The following PRKN variants were observed in gnomAD, a reference collection of about 807,000 sequenced individuals.
PRKN encodes the protein parkin RBR E3 ubiquitin protein ligase, also known as E3 ubiquitin-protein ligase parkin.
A neutral mutation model predicts 59.5 loss-of-function variants in PRKN; 56 were observed. The ratio of observed to expected loss-of-function variants is 0.94; its 90% CI spans 0.76 to 1.18. The LOEUF (loss-of-function observed/expected upper bound fraction) is 1.18. Ranked by LOEUF, PRKN falls within the 50% of genes most tolerant of loss-of-function variation. PRKN has a pLI of 0.00. For missense variants in PRKN, 657 were observed against 596.4 expected, an observed-to-expected ratio of 1.10 and a Z score of -1.06; for synonymous variants, 250 against 222.1, an observed-to-expected ratio of 1.13 and a Z score of -1.12.
intron 7 of PRKN, among the ~76,000 whole-genome samples, chr6:161,704,004 C>T (rs1464505143): frequency 6.6e-6 from 1 of 151,872 alleles, no homozygotes; most frequent in Non-Finnish European, 1.5e-5. Context: ...TACAGGCATG[C>T]ACCACCACAC....
In PRKN at chr6:161,560,525, G is replaced by A. The variant is rs1034609538; in HGVS notation, c.933+8830C>T. Among the ~76,000 whole-genome samples, 2 of 152,066 alleles carry A rather than the reference G, an allele frequency of 1.3e-5. No homozygotes were observed. The highest frequency in any genetic ancestry group is 2.9e-5 in the Non-Finnish European group (2 of 68,010). The stretch of plus-strand genomic sequence containing the variant: ...TTCAGGCTGTTCTCACCTTTTCTCC[G>A]ATTCTTGTCATCATTCTGGGGACTT... On this transcript the variant is annotated intron_variant, in intron 8 of 11. Transcript: ENST00000366898. This position sits in a 1 kb window ranked among gnomAD's most constrained non-coding sequence, Gnocchi z 4.9.
At chr6:161,817,321 G>A (rs1258529713) in intron 6 of PRKN, among the ~76,000 whole-genome samples, 1 of 152,216 alleles carries the variant, frequency 6.6e-6, no homozygotes, top group Non-Finnish European at 1.5e-5. Context: ...GCAGAGCTAA[G>A]AAGTAGCCCC....
At chr6:162,720,182 T>C (rs148006151) in intron 1 of PRKN, among the ~76,000 whole-genome samples, 158 of 152,228 alleles carry the variant, frequency 1.0e-3, no homozygotes, top group African/African-American at 3.7e-3. Flanking sequence ...AAATAAATAA[T>C]AAAAAGTCTC....
chr6:162,621,040 T>TA (rs952364647), intron 1 of PRKN, among the ~76,000 whole-genome samples: 27 of 152,228 alleles, frequency 1.8e-4, no homozygotes, highest in African/African-American at 6.0e-4. Flanking sequence ...CAATCTATTT[T>TA]AGTCTCATTG....
At position 162,556,401 on chromosome 6, in the gene PRKN, G is replaced by GTGTGTGTGTGTGTC. The variant is rs776385523; in HGVS notation, c.8-112929_8-112928insGACACACACACACA. On this transcript the variant is annotated intron_variant, in intron 1 of 11. Transcript: ENST00000366898. Reference sequence around the variant, plus strand: ...TGTGTGTGTGTGTGTGTGTGTGTGTGTGTCAGTTTGGCAGACGCCTTCTTT... The same window carrying GTGTGTGTGTGTGTC: ...TGTGTGTGTGTGTGTGTGTGTGTGTGTGTGTGTGTGTGTCTGTCAGTTTGGCAGACGCCTTCTTT... Among the ~76,000 whole-genome samples, 637 of 131,168 alleles carry GTGTGTGTGTGTGTC rather than the reference G, an allele frequency of 4.9e-3. 12 individuals carry two copies. Among genetic ancestry groups the GTGTGTGTGTGTGTC allele is most frequent in the South Asian group, 8.3e-3 (31 of 3,732 alleles). 86.1% of individuals were successfully genotyped at this position (131,168 alleles called of 152,430 possible). A position where few individuals can be genotyped will look rare whatever the true frequency, so the allele number is the denominator to read the frequency against.
chr6:162,451,335 A>G (rs1317736853), intron 1 of PRKN, among the ~76,000 whole-genome samples: 1 of 151,300 alleles, frequency 6.6e-6, no homozygotes, highest in Non-Finnish European at 1.5e-5. Flanking sequence ...AAAATTTTAA[A>G]GGAGCTAGTA....
At chr6:161,811,503 T>C (rs1335807391) in intron 6 of PRKN, among the ~76,000 whole-genome samples, 3 of 152,174 alleles carry the variant, frequency 2.0e-5, no homozygotes, top group African/African-American at 7.2e-5. Flanking sequence ...ATACGGGGCT[T>C]GGACAAGAGG....
chr6:161,902,552 A>ATCTATTT (rs1343265664), intron 6 of PRKN, among the ~76,000 whole-genome samples: 29 of 121,076 alleles, frequency 2.4e-4, no homozygotes, highest in East Asian at 5.1e-4. Context: ...CTATCTATTT[A>ATCTATTT]TTTATTTATT....
chr6:162,384,247 T>C (rs1009040096), intron 2 of PRKN, among the ~76,000 whole-genome samples: 1 of 152,206 alleles, frequency 6.6e-6, no homozygotes, highest in African/African-American at 2.4e-5. Context: ...AGCTAAATTA[T>C]TCCTAGCTTT....
rs531537465 is a variant in PRKN, at chr6:161,881,329, G to A, written c.734+91973C>T. Among the ~76,000 whole-genome samples the A allele has an allele frequency of 9.9e-5, 15 of 152,278 alleles. No homozygotes were observed. The South Asian group carries it at 2.9e-3, about 29-fold the overall frequency. ...CCGCCCTGCCACCCTTTTTCTTTGC[G>A]GGAGAGGTGGTACACAGAGTGGGAA... On this transcript the variant is annotated intron_variant, in intron 6 of 11. Transcript: ENST00000366898.
intron 1 of PRKN, among the ~76,000 whole-genome samples, chr6:162,631,876 C>T (rs1445465639): frequency 6.6e-6 from 1 of 151,452 alleles, no homozygotes; most frequent in Non-Finnish European, 1.5e-5. Context: ...GGGTGAAAGG[C>T]ATCCAGGTTC....
chr6:162,443,420 T>C lies in PRKN; in HGVS notation c.61A>G (p.Thr21Ala). The change falls in exon 2 of 12, where the codon ACC becomes GCC. Residue 21 changes from threonine to alanine, a missense_variant. Thr to Ala is a moderately conservative substitution (Grantham distance 58, BLOSUM62 0). Transcript: ENST00000366898. Reference sequence around the variant, plus strand: ...ACCTCCTTGAGCTGGAAGATGCTGGTGTCAGAATCGACCTCCACTGGGAAA... The same window carrying C: ...ACCTCCTTGAGCTGGAAGATGCTGGCGTCAGAATCGACCTCCACTGGGAAA... ...HGFPVEVDSD[T>A]SIFQLKEVVA... 6.2e-7 allele frequency: 1 copy of C among 1,614,094 alleles called. No individual in the cohort carries two copies. Among genetic ancestry groups the C allele is most frequent in the Non-Finnish European group, 8.5e-7 (1 of 1,180,002 alleles).
intron 4 of PRKN, among the ~76,000 whole-genome samples, chr6:162,090,126 G>GA (rs1344836317): frequency 6.6e-6 from 1 of 151,992 alleles, no homozygotes; most frequent in Admixed American, 6.6e-5. Context: ...AAGTGCTGAG[G>GA]AACCACGCAG....
Position 161,545,623 on chromosome 6 carries a change from G to T in PRKN, c.1083+3231C>A, listed in dbSNP as rs1779770265. Reference sequence around the variant, plus strand: ...TATACAAACCACAGCAAAACAACATGTATCAGGAAAAGGGGAAGAGAAAGA... The same window carrying T: ...TATACAAACCACAGCAAAACAACATTTATCAGGAAAAGGGGAAGAGAAAGA... On this transcript the variant is annotated intron_variant, in intron 9 of 11. Coordinates refer to ENST00000366898, the MANE Select transcript of PRKN (RefSeq NM_004562.3). This position sits in a 1 kb window ranked among gnomAD's most constrained non-coding sequence, Gnocchi z 4.1. Among the ~76,000 whole-genome samples the T allele has an allele frequency of 6.6e-6, 1 of 152,174 alleles. No individual in the cohort carries two copies. The highest frequency in any genetic ancestry group is 1.5e-5 in the Non-Finnish European group (1 of 68,042).
At chr6:161,646,080 C>T (rs1395964449) in intron 7 of PRKN, among the ~76,000 whole-genome samples, 1 of 91,226 alleles carries the variant, frequency 1.1e-5, no homozygotes, top group Admixed American at 1.0e-4. Flanking sequence ...GTGGTGACTG[C>T]GTGTGCGTGC....
At chr6:162,377,116 T>C (rs1265042444) in intron 2 of PRKN, among the ~76,000 whole-genome samples, 1 of 152,080 alleles carries the variant, frequency 6.6e-6, no homozygotes, top group Admixed American at 6.5e-5. Context: ...GGGTGATGCT[T>C]TTTGTTTCTT....
chr6:161,947,105 GATGT>G (rs924311945), intron 6 of PRKN, among the ~76,000 whole-genome samples: 3 of 152,042 alleles, frequency 2.0e-5, no homozygotes, highest in Non-Finnish European at 4.4e-5. Context: ...TTTATGTGTA[GATGT>G]ATGTATAAAT....
chr6:162,707,845 G>A (rs1778391815), intron 1 of PRKN, among the ~76,000 whole-genome samples: 2 of 152,248 alleles, frequency 1.3e-5, no homozygotes, highest in South Asian at 4.1e-4. Context: ...TTCCCAAAGT[G>A]CTGGGATTAT....
Position 161,518,523 on chromosome 6 carries a change from T to G in PRKN, c.1083+30331A>C, listed in dbSNP as rs987093891. ...GGCTGTGCAATCCCAGGGCTCTGGG[T>G]GAGAGCTGAACCGAGGCTCACATCT... On this transcript the variant is annotated intron_variant, in intron 9 of 11. Transcript: ENST00000366898. The surrounding 1 kb of genome is among the most constrained non-coding windows in gnomAD (Gnocchi z 5.0). Among the ~76,000 whole-genome samples the G allele has an allele frequency of 6.6e-6, 1 of 152,020 alleles. No homozygotes were observed. Among genetic ancestry groups the G allele is most frequent in the Non-Finnish European group, 1.5e-5 (1 of 68,008 alleles).
Sources: gnomAD v4.1 joint callset for allele counts (sites outside exome capture counted in the v4.1 genomes callset) on GRCh38, gnomAD v4.1.1 for gene constraint, Gnocchi (gnomAD v3.1) non-coding constraint, MANE v1.5 for transcripts, NCBI Gene and HGNC (gene_info 2026-07-23, HGNC 2026-07-21) for gene names.